YWHAE: variants seen among roughly 807,000 people sequenced by gnomAD.
The protein encoded by YWHAE is tyrosine 3-monooxygenase/tryptophan 5-monooxygenase activation protein epsilon.
A neutral mutation model predicts 30.1 loss-of-function variants in YWHAE; 4 were observed. The ratio of observed to expected loss-of-function variants is 0.13; its 90% CI spans 0.07 to 0.30. The LOEUF (loss-of-function observed/expected upper bound fraction) is 0.30. Among genes scored for constraint, YWHAE ranks in the 10% least tolerant of loss-of-function variants. YWHAE has a pLI of 1.00. For missense variants in YWHAE, 121 were observed against 315.9 expected, an observed-to-expected ratio of 0.38 and a Z score of 4.68; for synonymous variants, 118 against 111.8, an observed-to-expected ratio of 1.06 and a Z score of -0.35.
chr17:1,351,363 A>G (rs1187139199), intron 5 of YWHAE, among the ~76,000 whole-genome samples: 1 of 151,586 alleles, frequency 6.6e-6, no homozygotes, highest in Admixed American at 6.6e-5. Flanking sequence ...GGGTAACAAG[A>G]GCAAAACTCC....
chr17:1,345,305 A>AC lies in YWHAE; in HGVS notation c.*141_*142insG. On this transcript the variant is annotated 3_prime_UTR_variant, in exon 6 of 6. Coordinates refer to ENST00000264335, the MANE Select transcript of YWHAE (RefSeq NM_006761.5). ...AAAACTGTTTAAAAAAAAAAAAAAA[A>AC]AACCAACAGGGCAGGAACCTAAATT... 7.5e-6 allele frequency: 6 copies of AC among 802,070 alleles called. No individual in the cohort carries two copies. The highest frequency in any genetic ancestry group is 1.2e-5 in the Non-Finnish European group (6 of 508,890). 49.7% of individuals were successfully genotyped at this position (802,070 alleles called of 1,614,324 possible). A position where few individuals can be genotyped will look rare whatever the true frequency, so the allele number is the denominator to read the frequency against.
intron 1 of YWHAE, among the ~76,000 whole-genome samples, chr17:1,391,720 T>TA (rs2073391524): frequency 6.6e-6 from 1 of 152,184 alleles, no homozygotes; most frequent in Non-Finnish European, 1.5e-5. Context: ...TTCATGCCTA[T>TA]AATCCCTGCA....
chr17:1,361,362 A>T, intron 3 of YWHAE, 64 bp from the exon 4 acceptor site: 1 of 1,343,070 alleles, frequency 7.4e-7, no homozygotes. Context: ...TTTAAAGGAA[A>T]ATAAGCTAAA....
At chr17:1,365,971 C>A (rs2150854445) in intron 1 of YWHAE, among the ~76,000 whole-genome samples, 2 of 95,076 alleles carry the variant, frequency 2.1e-5, no homozygotes, top group East Asian at 4.6e-4. Context: ...TAAATCCCAG[C>A]ACTTTGGCAG....
rs903492385 is a variant in YWHAE, at chr17:1,400,140, G to T, written c.-30C>A. 1.9e-6 allele frequency: 3 copies of T among 1,613,538 alleles called. No homozygotes were observed. The African/African-American group carries it at 4.0e-5, about 22-fold the overall frequency. ...GCAGCGGCTCCGGCAGGGTCTGCGC[G>T]ACGGATGGAAGCGGATAGTGTCTCC... On this transcript the variant is annotated 5_prime_UTR_variant, in exon 1 of 6. Transcript: ENST00000264335.
chr17:1,358,260 G>A (rs946117470), intron 4 of YWHAE, among the ~76,000 whole-genome samples: 2 of 151,956 alleles, frequency 1.3e-5, no homozygotes, highest in African/African-American at 2.4e-5. Context: ...TTTTTTTTGA[G>A]ACGGAGTCTC....
intron 1 of YWHAE, among the ~76,000 whole-genome samples, chr17:1,367,207 C>T (rs866940405): frequency 1.8e-4 from 27 of 152,120 alleles, no homozygotes; most frequent in Admixed American, 7.9e-4. Flanking sequence ...CAACTCTATT[C>T]ATAATAGCCA....
At chr17:1,399,328 G>A (rs1241476576) in intron 1 of YWHAE, 1 of 152,224 alleles carries the variant, frequency 6.6e-6, no homozygotes, top group Non-Finnish European at 1.5e-5. Flanking sequence ...AGGAGGAAAA[G>A]CCCCGAAACC....
intron 1 of YWHAE, among the ~76,000 whole-genome samples, chr17:1,374,234 C>T (rs2073090963): frequency 6.6e-6 from 1 of 151,756 alleles, no homozygotes; most frequent in Non-Finnish European, 1.5e-5. Context: ...AGGACAACTG[C>T]TTGAACACGG....
rs1424407198 is a variant in YWHAE, at chr17:1,344,406, C to T, written c.*1041G>A. 5 of 176,824 alleles carry T rather than the reference C, an allele frequency of 2.8e-5. No individual in the cohort carries two copies. The East Asian group carries it at 3.8e-4, about 13-fold the overall frequency. The allele number at this position is 176,824 out of a possible 1,614,324, so 11.0% of individuals were successfully genotyped here. On this transcript the variant is annotated 3_prime_UTR_variant, in exon 6 of 6. Coordinates refer to ENST00000264335, the MANE Select transcript of YWHAE (RefSeq NM_006761.5). ...ACAGGCAATTTTTTTCCAAAACATA[C>T]ATCTTTGGGAAGCAAACAAATTATT...
chr17:1,370,983 A>G (rs950933736), intron 1 of YWHAE, among the ~76,000 whole-genome samples: 2 of 152,086 alleles, frequency 1.3e-5, no homozygotes, highest in Admixed American at 1.3e-4. Context: ...TGGGCGACAC[A>G]GCGAGACTCC....
At chr17:1,367,514 A>G (rs553851627) in intron 1 of YWHAE, among the ~76,000 whole-genome samples, 7 of 152,030 alleles carry the variant, frequency 4.6e-5, no homozygotes, top group African/African-American at 1.7e-4. Context: ...GAACTGCTTG[A>G]CCCCAGGAAT....
intron 3 of YWHAE, 51 bp downstream of exon 3, chr17:1,361,851 T>TA: frequency 7.6e-7 from 1 of 1,315,996 alleles, no homozygotes; most frequent in Non-Finnish European, 1.1e-6. Context: ...GTTATGGTTC[T>TA]AAAAGGACCA....
At chr17:1,350,023 G>C (rs539862208) in intron 5 of YWHAE, among the ~76,000 whole-genome samples, 6 of 150,812 alleles carry the variant, frequency 4.0e-5, no homozygotes, top group African/African-American at 7.3e-5. Flanking sequence ...CGCGATCTCA[G>C]TTGATCACAA....
chr17:1,387,411 G>A (rs2073315291), intron 1 of YWHAE, among the ~76,000 whole-genome samples: 1 of 152,112 alleles, frequency 6.6e-6, no homozygotes, highest in Admixed American at 6.6e-5. Context: ...GTAGATCAAA[G>A]TCTGAATCTT....
intron 4 of YWHAE, among the ~76,000 whole-genome samples, chr17:1,355,244 C>T (rs1424841340): frequency 6.9e-6 from 1 of 145,204 alleles, no homozygotes; most frequent in Non-Finnish European, 1.5e-5. Flanking sequence ...GCAAGCTCCG[C>T]CTCCTGGGTT....
chr17:1,351,008 G>A (rs139144148), intron 5 of YWHAE, among the ~76,000 whole-genome samples: 2,114 of 151,650 alleles, frequency 0.014, 59 homozygotes, highest in African/African-American at 0.048. Flanking sequence ...GCAGTGAGCC[G>A]AGATCGCACC....
At chr17:1,398,880 A>G (rs1271598337) in intron 1 of YWHAE, 1 of 152,188 alleles carries the variant, frequency 6.6e-6, no homozygotes, top group African/African-American at 2.4e-5. Flanking sequence ...TAATATTTCT[A>G]CATAAACCCA....
At chr17:1,399,294 T>C (rs534313479) in intron 1 of YWHAE, 1 of 152,314 alleles carries the variant, frequency 6.6e-6, no homozygotes, top group African/African-American at 2.4e-5. Context: ...GTGAGGATTT[T>C]CTGGGCCTCC....
Sources: allele counts gnomAD v4.1 joint callset (sites outside exome capture counted in the v4.1 genomes callset), GRCh38; gene constraint gnomAD v4.1.1; transcripts MANE v1.5; gene names NCBI Gene and HGNC (gene_info 2026-07-23, HGNC 2026-07-21).